LPIN1: variants seen among roughly 807,000 people sequenced by gnomAD.
The protein encoded by LPIN1 is phosphatidate phosphatase LPIN1.
Under a neutral mutation model 107.5 loss-of-function variants are expected in LPIN1, and 71 were observed. The observed-to-expected ratio is 0.66, with a 90% CI of 0.55 to 0.80. The LOEUF (loss-of-function observed/expected upper bound fraction) is 0.80, where lower values mean the gene tolerates loss of function less well. Among genes scored for constraint, LPIN1 ranks in the 30% least tolerant of loss-of-function variants. The pLI is 0.00. For synonymous variants in LPIN1, 445 were observed against 452.6 expected (o/e 0.98, Z 0.21); for missense variants, 1,043 against 1,160.6 (o/e 0.90, Z 1.47).
chr2:11,813,138 G>A (rs938610013), intron 17 of LPIN1, among the ~76,000 whole-genome samples: 3 of 152,192 alleles, frequency 2.0e-5, no homozygotes, highest in Non-Finnish European at 4.4e-5. Context: ...GGAGTGCGAT[G>A]AGTACTGTGG....
chr2:11,782,540 T>C lies in LPIN1; in HGVS notation c.1264+33T>C, dbSNP rs1336969171. The C allele has an allele frequency of 2.5e-6, 4 of 1,612,400 alleles. No individual in the cohort carries two copies. The East Asian group carries it at 6.7e-5, about 27-fold the overall frequency. ...GGCTGGGGCTTCCCGGCTCTTTTTC[T>C]GTTCATAGTTTGTGCTCACTCTACA... On this transcript the variant is annotated intron_variant, in intron 8 of 20. Transcript: ENST00000674199.
At chr2:11,735,269 CT>C (rs1665676859) in intron 1 of LPIN1, among the ~76,000 whole-genome samples, 1 of 148,738 alleles carries the variant, frequency 6.7e-6, no homozygotes, top group Admixed American at 6.7e-5. Context: ...TCCAGCCCGG[CT>C]GACAGAGTAA....
At chr2:11,738,948 G>A (rs1035141173) in intron 1 of LPIN1, among the ~76,000 whole-genome samples, 3 of 152,248 alleles carry the variant, frequency 2.0e-5, no homozygotes, top group Non-Finnish European at 2.9e-5. Context: ...GTCTGTGAGA[G>A]CAGCTTAGAA....
upstream of LPIN1, among the ~76,000 whole-genome samples, chr2:11,743,360 C>T (rs1666561835): frequency 6.6e-6 from 1 of 152,188 alleles, no homozygotes; most frequent in African/African-American, 2.4e-5. The surrounding 1 kb of genome is among the most constrained non-coding windows in gnomAD (Gnocchi z 4.7). Context: ...GATCACTGTC[C>T]TCTCCCTGCG....
chr2:11,710,868 G>C (rs1287587731), intron 1 of LPIN1, among the ~76,000 whole-genome samples: 3 of 151,976 alleles, frequency 2.0e-5, no homozygotes, highest in African/African-American at 7.3e-5. Context: ...ACAACAAATA[G>C]TTGTGGGCAG....
At chr2:11,768,742 C>G (rs1468951533) in intron 3 of LPIN1, among the ~76,000 whole-genome samples, 1 of 152,108 alleles carries the variant, frequency 6.6e-6, no homozygotes, top group African/African-American at 2.4e-5. Context: ...AGAGACCATC[C>G]TGGCTAAGAC....
intron 1 of LPIN1, among the ~76,000 whole-genome samples, chr2:11,748,957 G>T (rs1667387283): frequency 6.6e-6 from 1 of 152,170 alleles, no homozygotes; most frequent in African/African-American, 2.4e-5. Context: ...TAGCCCGGGC[G>T]TGGGATCTTG....
chr2:11,763,455 C>T (rs560286464), intron 1 of LPIN1, among the ~76,000 whole-genome samples: 1 of 152,320 alleles, frequency 6.6e-6, no homozygotes, highest in South Asian at 2.1e-4. Context: ...AACACGGCGG[C>T]AGCTCGCAGT....
rs1673998095 is a variant in LPIN1, at chr2:11,783,903, G to A, written c.1339G>A (p.Ala447Thr). The change falls in exon 9 of 21, where the codon GCC (alanine) becomes ACC (threonine). Residue 447 changes from alanine (A) to threonine (T), a missense_variant. Physicochemically the swap from Ala to Thr is moderately conservative, Grantham distance 58. Coordinates refer to ENST00000674199, the MANE Select transcript of LPIN1 (RefSeq NM_001349206.2). ...CACAGACATGGATCCTGAAGTGGCG[G>A]CCCTGTATTTTCCCAAAAAGTAAAA... Reference protein sequence around the residue: ...DLTDMDPEVAALYFPKNGDPS... With the variant: ...DLTDMDPEVATLYFPKNGDPS... 1 of 1,614,066 alleles carries A rather than the reference G, an allele frequency of 6.2e-7. No individual in the cohort carries two copies. The highest frequency in any genetic ancestry group is 8.5e-7 in the Non-Finnish European group (1 of 1,179,934).
intron 1 of LPIN1, among the ~76,000 whole-genome samples, chr2:11,751,591 G>A (rs1425057498): frequency 6.6e-6 from 1 of 152,200 alleles, no homozygotes; most frequent in African/African-American, 2.4e-5. Context: ...GGTGGCTCAC[G>A]CCTGTAATCC....
Position 11,802,805 on chromosome 2 carries a change from GGA to G in LPIN1, c.1887-97_1887-96del, listed in dbSNP as rs1677988791. 23 of 1,392,342 alleles carry G rather than the reference GGA, an allele frequency of 1.7e-5. No individual in the cohort carries two copies. In the South Asian group the frequency reaches 2.5e-4, roughly 15 times the overall value. 86.2% of individuals were successfully genotyped at this position (1,392,342 alleles called of 1,614,324 possible). On this transcript the variant is annotated intron_variant, in intron 14 of 20. Coordinates refer to ENST00000674199, the MANE Select transcript of LPIN1 (RefSeq NM_001349206.2). ...ATGACCACCCGAGAGACGGGACTCA[GGA>G]GAGACTGGATTGACTTAGTCATTGA...
intron 13 of LPIN1, among the ~76,000 whole-genome samples, chr2:11,794,761 T>A (rs773285643): frequency 2.6e-5 from 4 of 152,156 alleles, no homozygotes; most frequent in Non-Finnish European, 5.9e-5. Context: ...GGCTTTGTGG[T>A]TCAGACACAG....
At chr2:11,730,681 TGGG>T (rs1414777690) in intron 1 of LPIN1, among the ~76,000 whole-genome samples, 1 of 152,190 alleles carries the variant, frequency 6.6e-6, no homozygotes, top group East Asian at 1.9e-4. Flanking sequence ...CTTTTGCTGT[TGGG>T]GGCTTGAGTT....
intron 1 of LPIN1, among the ~76,000 whole-genome samples, chr2:11,690,838 T>C (rs183741167): frequency 1.6e-4 from 24 of 152,314 alleles, no homozygotes; most frequent in Admixed American, 1.5e-3. Flanking sequence ...ATTTTTGATA[T>C]GTTTCTGTTT....
intron 2 of LPIN1, among the ~76,000 whole-genome samples, chr2:11,714,348 C>A (rs1558742641): frequency 6.6e-6 from 1 of 152,192 alleles, no homozygotes; most frequent in Admixed American, 6.5e-5. Flanking sequence ...GTTTTTCATG[C>A]TTTGCTCTCT....
At chr2:11,753,062 A>G (rs1668104069) in intron 1 of LPIN1, among the ~76,000 whole-genome samples, 1 of 151,922 alleles carries the variant, frequency 6.6e-6, no homozygotes, top group Admixed American at 6.6e-5. Flanking sequence ...AGATGAGCTT[A>G]ATTATGGGAA....
intron 4 of LPIN1, among the ~76,000 whole-genome samples, chr2:11,772,801 G>A (rs1025175466): frequency 2.0e-5 from 3 of 152,120 alleles, no homozygotes; most frequent in Non-Finnish European, 4.4e-5. Context: ...TGATAATTTT[G>A]TTAACATAAA....
At chr2:11,724,485 G>A in exon 1 of LPIN1, 1 of 985,848 alleles carries the variant, frequency 1.0e-6, no homozygotes, top group South Asian at 4.7e-5. Context: ...CAGTGGCCCA[G>A]CCTGCTGAGA....
At chr2:11,720,488 G>A (rs114988235), upstream of LPIN1, among the ~76,000 whole-genome samples, 627 of 152,258 alleles carry the variant, frequency 4.1e-3, 1 homozygote, top group Non-Finnish European at 6.5e-3. Context: ...AACAGCCAGG[G>A]TGTCTAACAG....
Sources: allele counts gnomAD v4.1 joint callset (sites outside exome capture counted in the v4.1 genomes callset), GRCh38; gene constraint gnomAD v4.1.1; non-coding constraint Gnocchi (gnomAD v3.1); transcripts MANE v1.5; gene names NCBI Gene and HGNC (gene_info 2026-07-23, HGNC 2026-07-21).